The following SPEF2 variants were observed in gnomAD, a reference collection of about 807,000 sequenced individuals.
The protein encoded by SPEF2 is sperm flagella and cilia-associated protein 2.
Under a neutral mutation model 224.6 loss-of-function variants are expected in SPEF2, and 187 were observed. That is an observed-to-expected ratio of 0.83 (90% CI 0.74 to 0.94). SPEF2 has a LOEUF of 0.94. Ranked by LOEUF, SPEF2 falls within the 40% of genes least tolerant of loss-of-function variation. The probability of loss-of-function intolerance (pLI) is 0.00; values close to 1 mark genes in which losing one functional copy is unlikely to be tolerated. For synonymous variants in SPEF2, 715 were observed against 707.3 expected (o/e 1.01, Z -0.17); for missense variants, 2,170 against 2,135.6 (o/e 1.02, Z -0.32).
Position 35,628,542 on chromosome 5 carries a change from T to C in SPEF2, c.141T>C (p.Phe47=), listed in dbSNP as rs559666166. The change falls in exon 2 of 37, where the codon TTT becomes TTC. Residue 47 remains phenylalanine, a synonymous_variant. Coordinates refer to ENST00000356031, the MANE Select transcript of SPEF2 (RefSeq NM_024867.4). ...ACAAGTTTGAACTTCAGGATGATTT[T>C]TCAGAATTTTTGGACAGCAGGTTAG... is the stretch of plus-strand genomic sequence containing the variant. ...VLHKFELQDD[F]SEFLDSRVSS... is the part of the protein sequence containing the mutation. 9.2e-4 allele frequency: 1,479 copies of C among 1,613,106 alleles called. 22 individuals are homozygous for C. The South Asian group carries it at 0.016, about 17-fold the overall frequency.
intron 30 of SPEF2, 148 bp from the exon 31 acceptor site, chr5:35,792,192 C>G: frequency 2.0e-6 from 1 of 489,886 alleles, no homozygotes. Context: ...TTTTATATTT[C>G]CAAAATGTCT....
intron 25 of SPEF2, 117 bp downstream of exon 25, chr5:35,759,836 A>G: frequency 1.9e-6 from 2 of 1,055,912 alleles, no homozygotes; most frequent in Non-Finnish European, 2.6e-6. Context: ...AGATCCAAAA[A>G]AGCTCTAATA....
At chr5:35,750,837 A>G (rs955737281) in intron 23 of SPEF2, among the ~76,000 whole-genome samples, 4 of 151,378 alleles carry the variant, frequency 2.6e-5, no homozygotes. Context: ...CAGCAATCCT[A>G]TTATTGGGTA....
chr5:35,794,632 C>A (rs977221598), intron 32 of SPEF2, among the ~76,000 whole-genome samples: 1 of 152,154 alleles, frequency 6.6e-6, no homozygotes, highest in African/African-American at 2.4e-5. Flanking sequence ...TTTAAAAGTG[C>A]GCACTCGTGA....
Position 35,790,170 on chromosome 5 carries a change from T to A in SPEF2, c.4448-2170T>A, listed in dbSNP as rs776252546. 5.7e-6 allele frequency: 4 copies of A among 702,620 alleles called. No homozygotes were observed. The South Asian group carries it at 5.9e-5, about 10-fold the overall frequency. The allele number at this position is 702,620 out of a possible 1,614,324, so 43.5% of individuals were successfully genotyped here. On this transcript the variant is annotated intron_variant, in intron 30 of 36. Transcript: ENST00000356031. ...AGAACATGGCTTTAGTCAGATGAAATGGACCAAGTCACATATGCATGCAAA... is the reference window on the plus strand; with the variant it reads ...AGAACATGGCTTTAGTCAGATGAAAAGGACCAAGTCACATATGCATGCAAA...
At chr5:35,618,258 C>G (rs113652409) in intron 1 of SPEF2, among the ~76,000 whole-genome samples, 1 of 152,154 alleles carries the variant, frequency 6.6e-6, no homozygotes, top group South Asian at 2.1e-4. Flanking sequence ...ACAGCTCACC[C>G]CAGCCAGGGC....
intron 10 of SPEF2, among the ~76,000 whole-genome samples, chr5:35,690,309 C>T (rs1282249621): frequency 2.0e-5 from 3 of 152,082 alleles, no homozygotes; most frequent in Non-Finnish European, 2.9e-5. Flanking sequence ...CATTGCACCT[C>T]GATCAAGGCA....
At chr5:35,746,781 C>A (rs898254279) in intron 23 of SPEF2, among the ~76,000 whole-genome samples, 1 of 152,064 alleles carries the variant, frequency 6.6e-6, no homozygotes, top group East Asian at 1.9e-4. Flanking sequence ...TCCCCAGCCT[C>A]GCTAGAGACC....
intron 6 of SPEF2, among the ~76,000 whole-genome samples, chr5:35,653,742 C>T (rs911410720): frequency 1.3e-5 from 2 of 151,820 alleles, no homozygotes; most frequent in South Asian, 2.1e-4. Flanking sequence ...GTCAGGAGTT[C>T]GAGACCAGCC....
chr5:35,752,890 G>A (rs1388599226), intron 23 of SPEF2, among the ~76,000 whole-genome samples: 1 of 150,748 alleles, frequency 6.6e-6, no homozygotes, highest in Non-Finnish European at 1.5e-5. Flanking sequence ...ACACTGAAAG[G>A]ACTCTATGTG....
chr5:35,659,333 G>A lies in SPEF2; in HGVS notation c.1167+126G>A, dbSNP rs867917404. 2.0e-5 allele frequency: 17 copies of A among 862,906 alleles called. No individual in the cohort carries two copies. The Middle Eastern group carries it at 9.1e-4, about 46-fold the overall frequency. 53.5% of individuals were successfully genotyped at this position (862,906 alleles called of 1,614,324 possible). A position where few individuals can be genotyped will look rare whatever the true frequency, so the allele number is the denominator to read the frequency against. ...AGATTTTCTTTTGTATGATCAACCT[G>A]TTATCTGCCCATTTTTATTTTTGTA... On this transcript the variant is annotated intron_variant, in intron 8 of 36. Coordinates refer to ENST00000356031, the MANE Select transcript of SPEF2 (RefSeq NM_024867.4).
At chr5:35,784,417 C>T (rs1580723379) in intron 30 of SPEF2, among the ~76,000 whole-genome samples, 1 of 152,148 alleles carries the variant, frequency 6.6e-6, no homozygotes, top group African/African-American at 2.4e-5. Flanking sequence ...CATGAGCCAC[C>T]GCGCCCGGGC....
At chr5:35,656,555 A>C (rs778143152) in intron 7 of SPEF2, among the ~76,000 whole-genome samples, 1 of 152,214 alleles carries the variant, frequency 6.6e-6, no homozygotes, top group Non-Finnish European at 1.5e-5. Context: ...CTAGCAATGA[A>C]ATTTTGAACA....
chr5:35,719,842 G>A (rs1743290543), intron 20 of SPEF2, among the ~76,000 whole-genome samples: 2 of 152,070 alleles, frequency 1.3e-5, no homozygotes, highest in African/African-American at 4.8e-5. Flanking sequence ...GGCTGGTCTG[G>A]AACCACTGAC....
At position 35,695,811 on chromosome 5, in the gene SPEF2, C is replaced by G. The variant is rs551354167; in HGVS notation, c.2037+15C>G. 7.0e-6 allele frequency: 11 copies of G among 1,564,968 alleles called. No individual in the cohort carries two copies. Among genetic ancestry groups the G allele is most frequent in the Admixed American group, 5.2e-5 (3 of 57,320 alleles). ...GTTTCTTAAAAGTAAGTATTATGAT[C>G]TAATTTTAGCTACTAACATATTAAA... is the stretch of plus-strand genomic sequence containing the variant. On this transcript the variant is annotated intron_variant, in intron 14 of 36. Coordinates refer to ENST00000356031, the MANE Select transcript of SPEF2 (RefSeq NM_024867.4).
chr5:35,688,816 G>A (rs916615876), intron 10 of SPEF2, among the ~76,000 whole-genome samples: 1 of 152,114 alleles, frequency 6.6e-6, no homozygotes, highest in Admixed American at 6.6e-5. Flanking sequence ...TTGAGATAAC[G>A]CATGAAAACA....
chr5:35,734,540 C>A (rs1268622162), intron 21 of SPEF2, among the ~76,000 whole-genome samples: 1 of 152,154 alleles, frequency 6.6e-6, no homozygotes, highest in East Asian at 1.9e-4. Context: ...CTGTCATGGG[C>A]TGCCTGTGAC....
chr5:35,685,154 C>G (rs1007263193), intron 10 of SPEF2, among the ~76,000 whole-genome samples: 3 of 152,026 alleles, frequency 2.0e-5, no homozygotes, highest in African/African-American at 7.2e-5. Flanking sequence ...TTTATAAATA[C>G]AGGGTAGTAT....
chr5:35,640,009 A>T (rs1263045987), intron 2 of SPEF2, among the ~76,000 whole-genome samples: 1 of 152,208 alleles, frequency 6.6e-6, no homozygotes. Flanking sequence ...GCTTCCAAAG[A>T]GAAGTATTGT....
Sources: allele counts gnomAD v4.1 joint callset (sites outside exome capture counted in the v4.1 genomes callset), GRCh38; gene constraint gnomAD v4.1.1; transcripts MANE v1.5; gene names NCBI Gene and HGNC (gene_info 2026-07-23, HGNC 2026-07-21).